SLC24A2: variants seen among roughly 807,000 people sequenced by gnomAD.
SLC24A2 encodes the protein solute carrier family 24 member 2, also known as sodium/potassium/calcium exchanger 2.
A neutral mutation model predicts 62.0 loss-of-function variants in SLC24A2; 36 were observed. That is an observed-to-expected ratio of 0.58 (90% CI 0.44 to 0.77). The LOEUF (loss-of-function observed/expected upper bound fraction) is 0.77, where lower values mean the gene tolerates loss of function less well. Among genes scored for constraint, SLC24A2 ranks in the 30% least tolerant of loss-of-function variants. The pLI is 0.00. For synonymous variants in SLC24A2, 358 were observed against 294.0 expected (o/e 1.22, Z -2.23); for missense variants, 846 against 817.9 (o/e 1.03, Z -0.42).
the SLC24A2 span, among the ~76,000 whole-genome samples, chr9:20,186,115 G>A: frequency 6.6e-6 from 1 of 152,094 alleles, no homozygotes; most frequent in African/African-American, 2.4e-5. Flanking sequence ...CCGGCCTTAA[G>A]AATAATGAGT....
chr9:20,276,217 G>C, the SLC24A2 span, among the ~76,000 whole-genome samples: 1 of 152,188 alleles, frequency 6.6e-6, no homozygotes, highest in Non-Finnish European at 1.5e-5. Context: ...AAAATAGAAA[G>C]CAAGTTAATT....
the SLC24A2 span, among the ~76,000 whole-genome samples, chr9:19,823,565 G>C: frequency 6.6e-6 from 1 of 152,030 alleles, no homozygotes; most frequent in Non-Finnish European, 1.5e-5. Flanking sequence ...GGAGTTGGAG[G>C]TTGCAGTGAG....
chr9:19,609,238 G>A, intron 4 of SLC24A2, among the ~76,000 whole-genome samples: 1 of 152,220 alleles, frequency 6.6e-6, no homozygotes, highest in East Asian at 1.9e-4. Context: ...TGTCCCTTCA[G>A]TTGGGGATTC....
the SLC24A2 span, among the ~76,000 whole-genome samples, chr9:19,826,826 C>T: frequency 6.6e-6 from 1 of 152,254 alleles, no homozygotes; most frequent in East Asian, 1.9e-4. Context: ...CAAACCATAG[C>T]AAGGATGGAG....
At chr9:19,613,481 T>C (rs909889167) in intron 4 of SLC24A2, among the ~76,000 whole-genome samples, 12 of 152,098 alleles carry the variant, frequency 7.9e-5, no homozygotes, top group Non-Finnish European at 1.8e-4. Flanking sequence ...CACCATTTTT[T>C]CTCTACGCTC....
the SLC24A2 span, among the ~76,000 whole-genome samples, chr9:20,065,183 G>C: frequency 6.6e-6 from 1 of 152,176 alleles, no homozygotes; most frequent in African/African-American, 2.4e-5. Flanking sequence ...ATTGGGCAGG[G>C]GTTCAAAGAG....
At chr9:19,647,076 A>G (rs933405356) in intron 2 of SLC24A2, among the ~76,000 whole-genome samples, 2 of 148,426 alleles carry the variant, frequency 1.3e-5, no homozygotes, top group East Asian at 2.0e-4. Context: ...GCGCACACAC[A>G]CACACACACA....
chr9:19,997,996 G>A, the SLC24A2 span, among the ~76,000 whole-genome samples: 4 of 151,574 alleles, frequency 2.6e-5, no homozygotes, highest in East Asian at 1.9e-4. Context: ...TATATTTTTG[G>A]GAAAAAAGCC....
chr9:19,590,806 A>ATATT (rs1484942968), intron 5 of SLC24A2, among the ~76,000 whole-genome samples: 3 of 152,104 alleles, frequency 2.0e-5, no homozygotes, highest in Non-Finnish European at 2.9e-5. Flanking sequence ...CCCCAATTTG[A>ATATT]TATTAAGTTT....
the SLC24A2 span, among the ~76,000 whole-genome samples, chr9:20,232,225 G>C: frequency 1.3e-5 from 2 of 152,092 alleles, no homozygotes; most frequent in Admixed American, 6.6e-5. Flanking sequence ...GCCAGGCTTT[G>C]GTATCAGGAT....
chr9:19,612,628 T>C (rs1187545021), intron 4 of SLC24A2, among the ~76,000 whole-genome samples: 1 of 152,168 alleles, frequency 6.6e-6, no homozygotes, highest in East Asian at 1.9e-4. Context: ...CTAGAACCCA[T>C]GGGGGTCTAG....
At chr9:20,292,813 C>T in the SLC24A2 span, among the ~76,000 whole-genome samples, 1 of 152,208 alleles carries the variant, frequency 6.6e-6, no homozygotes, top group Non-Finnish European at 1.5e-5. Context: ...TAGTCTCAAA[C>T]TCCTGGGCTC....
At chr9:20,138,688 C>A in the SLC24A2 span, among the ~76,000 whole-genome samples, 1 of 152,180 alleles carries the variant, frequency 6.6e-6, no homozygotes, top group South Asian at 2.1e-4. Context: ...CATGTAGGAG[C>A]TGTATTTTCT....
chr9:20,240,054 C>G, the SLC24A2 span, among the ~76,000 whole-genome samples: 1 of 152,086 alleles, frequency 6.6e-6, no homozygotes, highest in African/African-American at 2.4e-5. Flanking sequence ...TGAGAGAGAA[C>G]TTGATCCCTT....
At chr9:19,927,322 G>T in the SLC24A2 span, 2 of 152,200 alleles carry the variant, frequency 1.3e-5, no homozygotes, top group Non-Finnish European at 1.5e-5. Context: ...CGCCTGCCTA[G>T]GTTTACATCC....
chr9:20,232,587 T>A, the SLC24A2 span, among the ~76,000 whole-genome samples: 1 of 152,208 alleles, frequency 6.6e-6, no homozygotes, highest in African/African-American at 2.4e-5. Context: ...TGATATCCCC[T>A]TTATCATTTT....
At chr9:19,775,639 G>A (rs1166946511) in intron 2 of SLC24A2, among the ~76,000 whole-genome samples, 1 of 144,876 alleles carries the variant, frequency 6.9e-6, no homozygotes, top group African/African-American at 2.4e-5. Flanking sequence ...TTTAGATCAT[G>A]GCTCTGAAAT....
At chr9:19,608,811 C>T (rs1333571957) in intron 4 of SLC24A2, among the ~76,000 whole-genome samples, 1 of 152,092 alleles carries the variant, frequency 6.6e-6, no homozygotes, top group East Asian at 1.9e-4. Context: ...CACACACACA[C>T]ACGCATAGAC....
chr9:19,992,107 T>G, the SLC24A2 span, among the ~76,000 whole-genome samples: 1 of 152,366 alleles, frequency 6.6e-6, no homozygotes, highest in South Asian at 2.1e-4. Context: ...AAGGGGCATG[T>G]TATCATACAT....
Sources: allele counts gnomAD v4.1 joint callset (sites outside exome capture counted in the v4.1 genomes callset), GRCh38; gene constraint gnomAD v4.1.1; transcripts MANE v1.5; gene names NCBI Gene and HGNC (gene_info 2026-07-23, HGNC 2026-07-21).